The following SGSM1 variants were observed in gnomAD, a reference collection of about 807,000 sequenced individuals.
SGSM1 encodes RUN and TBC1 domain containing 2.
In SGSM1, 73 loss-of-function variants were observed where a neutral mutation model predicts 133.8. The observed-to-expected ratio is 0.55, with a 90% confidence interval of 0.45 to 0.66. The LOEUF is 0.66. SGSM1 is among the 30% of genes least tolerant of loss of function. The pLI is 0.00. For missense variants in SGSM1, 1,213 were observed against 1,448.1 expected (o/e 0.84, Z 2.64); for synonymous variants, 563 against 573.0 (o/e 0.98, Z 0.25).
At chr22:24,816,339 A>T (rs368773652) in intron 2 of SGSM1, among the ~76,000 whole-genome samples, 1 of 152,188 alleles carries the variant, frequency 6.6e-6, no homozygotes, top group Non-Finnish European at 1.5e-5. Context: ...ATAAACCCTG[A>T]TAAAACTAGG....
intron 2 of SGSM1, among the ~76,000 whole-genome samples, chr22:24,815,312 A>G (rs1295635628): frequency 6.6e-6 from 1 of 152,186 alleles, no homozygotes; most frequent in Non-Finnish European, 1.5e-5. Context: ...CACTGAGATA[A>G]GTATTGCCCG....
intron 3 of SGSM1, among the ~76,000 whole-genome samples, chr22:24,845,967 T>TTCTCTCTC (rs904817045): frequency 6.9e-6 from 1 of 144,628 alleles, no homozygotes; most frequent in African/African-American, 2.6e-5. Flanking sequence ...CTTTCTTTCT[T>TTCTCTCTC]TCTTTCTTTC....
intron 12 of SGSM1, chr22:24,874,577 C>T: frequency 1.3e-6 from 2 of 1,594,654 alleles, no homozygotes; most frequent in Non-Finnish European, 1.7e-6. Flanking sequence ...GAGCAGCCCC[C>T]CAGTAATGTC....
At chr22:24,815,984 A>G (rs576073041) in intron 2 of SGSM1, among the ~76,000 whole-genome samples, 10 of 152,350 alleles carry the variant, frequency 6.6e-5, no homozygotes, top group African/African-American at 2.2e-4. Flanking sequence ...GTATATTCAA[A>G]AGAAACCATA....
At position 24,847,700 on chromosome 22, in the gene SGSM1, A is replaced by G. The variant is rs1930227395; in HGVS notation, c.206A>G (p.Lys69Arg). The stretch of plus-strand genomic sequence containing the variant: ...GCGGCTGGCTTCCTACGCAGCAATA[A>G]GATTGCAGCCCTCTTTATGAAAGTG... ...RRAAGFLRSN[K>R]IAALFMKVGK... Residue 69 changes from lysine to arginine, a missense_variant, in exon 4 of 25, where the codon AAG becomes AGG. By Grantham distance (26) the Lys-to-Arg change is conservative. Coordinates refer to ENST00000400358, the MANE Select transcript of SGSM1 (RefSeq NM_001098497.3). 2 of 1,613,944 alleles carry G rather than the reference A, an allele frequency of 1.2e-6. No homozygotes were observed. Among genetic ancestry groups the G allele is most frequent in the Non-Finnish European group, 8.5e-7 (1 of 1,179,892 alleles).
intron 23 of SGSM1, 133 bp downstream of exon 23, chr22:24,917,887 TC>T: frequency 1.6e-6 from 1 of 641,738 alleles, no homozygotes. Context: ...GTTTATGGAG[TC>T]CAGACTACCG....
chr22:24,825,724 C>T (rs1190277161), intron 2 of SGSM1, among the ~76,000 whole-genome samples: 2 of 152,214 alleles, frequency 1.3e-5, no homozygotes, highest in Non-Finnish European at 2.9e-5. Context: ...GGCACTGTGG[C>T]GGGCCTGAGA....
At chr22:24,917,982 G>T (rs1403015542) in intron 23 of SGSM1, among the ~76,000 whole-genome samples, 3 of 152,176 alleles carry the variant, frequency 2.0e-5, no homozygotes, top group Non-Finnish European at 4.4e-5. Flanking sequence ...CCGAGGCTGA[G>T]AAGGGTTAAG....
chr22:24,876,624 T>G lies in SGSM1; in HGVS notation c.1339T>G (p.Trp447Gly). 1 of 1,614,010 alleles carries G rather than the reference T, an allele frequency of 6.2e-7. No individual in the cohort carries two copies. Among genetic ancestry groups the G allele is most frequent in the Non-Finnish European group, 8.5e-7 (1 of 1,179,888 alleles). The change falls in exon 13 of 25, where the codon TGG becomes GGG. Residue 447 changes from tryptophan to glycine, a missense_variant. By Grantham distance (184) the Trp-to-Gly change is radical. Coordinates refer to ENST00000400358, the MANE Select transcript of SGSM1 (RefSeq NM_001098497.3). ...DVSVSNLPSL[W>G]QPSPRKSSCS... ...CTCTGTAAGCAACCTCCCATCCCTG[T>G]GGCAGCCCAGTCCCCGGAAGTCCTC...
chr22:24,813,281 G>T (rs1020350915), intron 2 of SGSM1, among the ~76,000 whole-genome samples: 33 of 152,344 alleles, frequency 2.2e-4, no homozygotes, highest in African/African-American at 7.7e-4. Flanking sequence ...CGAAGGCATC[G>T]AAGGCTTTGG....
intron 2 of SGSM1, among the ~76,000 whole-genome samples, chr22:24,832,649 A>G (rs1929185236): frequency 6.6e-6 from 1 of 152,158 alleles, no homozygotes; most frequent in South Asian, 2.1e-4. Flanking sequence ...GGGAGAGATG[A>G]TGAAGATGAT....
chr22:24,850,267 A>G lies in SGSM1; in HGVS notation c.303-13A>G. ...TTGTGAGTATCTATTCCCGTCTTTT[A>G]TTGGTCTTGAAGGAGAAACCAGATT... On this transcript the variant is annotated splice_polypyrimidine_tract_variant and intron_variant, in intron 4 of 24. Transcript: ENST00000400358. 1.3e-6 allele frequency: 2 copies of G among 1,571,490 alleles called. No homozygotes were observed. Among genetic ancestry groups the G allele is most frequent in the Non-Finnish European group, 1.7e-6 (2 of 1,158,120 alleles).
At chr22:24,906,208 A>C (rs1224151340) in intron 21 of SGSM1, among the ~76,000 whole-genome samples, 3 of 152,174 alleles carry the variant, frequency 2.0e-5, no homozygotes. Flanking sequence ...ACAAAATCCA[A>C]CACCCTTTCA....
chr22:24,877,626 C>T (rs2147887924), intron 13 of SGSM1, among the ~76,000 whole-genome samples: 1 of 152,016 alleles, frequency 6.6e-6, no homozygotes, highest in East Asian at 1.9e-4. Flanking sequence ...TTTTTGGAGT[C>T]ATCCAATCCC....
intron 2 of SGSM1, among the ~76,000 whole-genome samples, chr22:24,835,006 G>A (rs1364841799): frequency 6.6e-6 from 1 of 152,080 alleles, no homozygotes; most frequent in Non-Finnish European, 1.5e-5. Context: ...CAAGACATAC[G>A]TTATTCTCTG....
At chr22:24,895,180 G>A in intron 17 of SGSM1, 43 bp from the exon 18 acceptor site, 2 of 1,570,844 alleles carry the variant, frequency 1.3e-6, no homozygotes, top group Non-Finnish European at 1.7e-6. Flanking sequence ...CTGGGCCAGG[G>A]TGCAGCCTCA....
chr22:24,812,163 C>G (rs1927781789), intron 2 of SGSM1, among the ~76,000 whole-genome samples: 1 of 134,214 alleles, frequency 7.5e-6, no homozygotes, highest in Non-Finnish European at 1.6e-5. Context: ...AAGCAAGACT[C>G]CGTCTCAAAA....
intron 24 of SGSM1, among the ~76,000 whole-genome samples, chr22:24,922,744 G>C (rs1366647905): frequency 6.6e-6 from 1 of 152,170 alleles, no homozygotes; most frequent in Non-Finnish European, 1.5e-5. Context: ...CCAAAGTTCT[G>C]GGATTACAGG....
chr22:24,814,446 G>A (rs1927945890), intron 2 of SGSM1, among the ~76,000 whole-genome samples: 1 of 151,976 alleles, frequency 6.6e-6, no homozygotes, highest in South Asian at 2.1e-4. Context: ...ATTGTTGTTG[G>A]TACAGCAAGG....
Sources: allele counts gnomAD v4.1 joint callset (sites outside exome capture counted in the v4.1 genomes callset), GRCh38; gene constraint gnomAD v4.1.1; transcripts MANE v1.5; gene names NCBI Gene and HGNC (gene_info 2026-07-23, HGNC 2026-07-21).